The following PADI2 variants were observed in gnomAD, a reference collection of about 807,000 sequenced individuals.
PADI2 encodes protein-arginine deiminase type-2.
In PADI2, 70 loss-of-function variants were observed where a neutral mutation model predicts 81.1. That is an observed-to-expected ratio of 0.86 (90% confidence interval 0.71 to 1.05). The LOEUF (loss-of-function observed/expected upper bound fraction) is 1.05, where lower values mean the gene tolerates loss of function less well. PADI2 is among the 50% of genes least tolerant of loss of function. PADI2 has a pLI of 0.00. For synonymous variants in PADI2, 338 were observed against 358.0 expected (o/e 0.94, Z 0.63); for missense variants, 853 against 889.9 (o/e 0.96, Z 0.53).
intron 8 of PADI2, 117 bp from the exon 9 acceptor site, chr1:17,083,954 T>C (rs919539255): frequency 1.4e-6 from 1 of 700,306 alleles, no homozygotes; most frequent in African/African-American, 1.8e-5. Flanking sequence ...CAGATCAGTC[T>C]ACACCTGTGC....
chr1:17,069,560 T>A (rs923481618), intron 15 of PADI2, among the ~76,000 whole-genome samples: 1 of 152,218 alleles, frequency 6.6e-6, no homozygotes, highest in Non-Finnish European at 1.5e-5. Flanking sequence ...TGTACATGTG[T>A]ATGAATGTGC....
intron 1 of PADI2, among the ~76,000 whole-genome samples, chr1:17,106,741 G>A (rs1272459586): frequency 1.3e-5 from 2 of 152,092 alleles, no homozygotes; most frequent in Non-Finnish European, 2.9e-5. Flanking sequence ...CCCTGGCCAA[G>A]GGCAGGCTTC....
intron 1 of PADI2, among the ~76,000 whole-genome samples, chr1:17,113,349 G>A (rs181995858): frequency 5.0e-4 from 76 of 152,156 alleles, no homozygotes; most frequent in African/African-American, 1.7e-3. Context: ...ACTGTACCAA[G>A]CCCATGGCCC....
intron 11 of PADI2, among the ~76,000 whole-genome samples, chr1:17,077,205 G>A (rs917911412): frequency 6.6e-6 from 1 of 152,128 alleles, no homozygotes; most frequent in Non-Finnish European, 1.5e-5. Context: ...CCTGTCCCCA[G>A]GAATGTTTTA....
chr1:17,068,262 G>A lies in PADI2; in HGVS notation c.*782C>T, dbSNP rs1015777164. 1.0e-4 allele frequency: 16 copies of A among 152,772 alleles called. No individual in the cohort carries two copies. Among genetic ancestry groups the A allele is most frequent in the Admixed American group, 3.3e-4 (5 of 15,292 alleles). 9.5% of individuals were successfully genotyped at this position (152,772 alleles called of 1,614,324 possible). A position where few individuals can be genotyped will look rare whatever the true frequency, so the allele number is the denominator to read the frequency against. On this transcript the variant is annotated 3_prime_UTR_variant, in exon 16 of 16. Transcript: ENST00000375486. Reference sequence around the variant, plus strand: ...CAGGCAAGAGAAGATGGATATGGCTGACCAGGGGCATCTTTACGCATTGAA... The same window carrying A: ...CAGGCAAGAGAAGATGGATATGGCTAACCAGGGGCATCTTTACGCATTGAA...
chr1:17,074,712 C>A (rs563291960), intron 13 of PADI2, 144 bp downstream of exon 13: 3 of 586,428 alleles, frequency 5.1e-6, no homozygotes, highest in Admixed American at 3.0e-5. Context: ...AGCATGGCGA[C>A]CTCACAAACC....
rs138543653 is a variant in PADI2 at position 17,108,749 on chromosome 1, T to C, written c.93-3688A>G. 1.0e-3 allele frequency among the ~76,000 whole-genome samples: 154 copies of C among 152,344 alleles called. 1 individual carries two copies. Among genetic ancestry groups the C allele is most frequent in the African/African-American group, 3.7e-3 (152 of 41,590 alleles). On this transcript the variant is annotated intron_variant, in intron 1 of 15. Transcript: ENST00000375486. ...TATCTTTTTATGGTGACTGATAAAG[T>C]CTTGCCATTTATGGTAATGCTATAA...
At position 17,117,494 on chromosome 1, in the gene PADI2, G is replaced by T. The variant is rs376434348; in HGVS notation, c.92+1786C>A. The stretch of plus-strand genomic sequence containing the variant: ...CTAGAGCGCACTGCCCCTCTCTGTG[G>T]TGGTGGAGAACCTTAAGTGCCGGTG... On this transcript the variant is annotated intron_variant, in intron 1 of 15. Coordinates refer to ENST00000375486, the MANE Select transcript of PADI2 (RefSeq NM_007365.3). Among the ~76,000 whole-genome samples the T allele has an allele frequency of 1.3e-4, 20 of 152,264 alleles. No homozygotes were observed. In the East Asian group the frequency reaches 3.3e-3, roughly 25 times the overall value.
chr1:17,073,182 C>A (rs2078276198), intron 13 of PADI2, among the ~76,000 whole-genome samples: 1 of 152,122 alleles, frequency 6.6e-6, no homozygotes, highest in African/African-American at 2.4e-5. Context: ...CTTTGGGAGG[C>A]CGAGGCGGGT....
At position 17,119,431 on chromosome 1, in the gene PADI2, G is replaced by C; in HGVS notation, c.-60C>G. 7.6e-7 allele frequency: 1 copy of C among 1,310,480 alleles called. No homozygotes were observed. The highest frequency in any genetic ancestry group is 1.5e-5 in the African/African-American group (1 of 64,746). The allele number at this position is 1,310,480 out of a possible 1,614,324, so 81.2% of individuals were successfully genotyped here. A position where few individuals can be genotyped will look rare whatever the true frequency, so the allele number is the denominator to read the frequency against. ...GGGCGGCCGGGAGCACCTGCAGCAG[G>C]TGCGCCTTCTCCAGCAGCCTGCGCC... On this transcript the variant is annotated 5_prime_UTR_variant, in exon 1 of 16. Coordinates refer to ENST00000375486, the MANE Select transcript of PADI2 (RefSeq NM_007365.3). This position sits in a 1 kb window ranked among gnomAD's most constrained non-coding sequence, Gnocchi z 4.8.
At chr1:17,100,980 AT>A (rs975935418) in intron 3 of PADI2, among the ~76,000 whole-genome samples, 11 of 140,680 alleles carry the variant, frequency 7.8e-5, no homozygotes, top group East Asian at 6.3e-4. Flanking sequence ...TTATTGATGT[AT>A]TTTTTTTTCT....
chr1:17,093,083 C>A (rs1290053227), intron 5 of PADI2, among the ~76,000 whole-genome samples: 2 of 149,532 alleles, frequency 1.3e-5, no homozygotes, highest in African/African-American at 2.5e-5. Flanking sequence ...TCTTTTTATT[C>A]TTCTTCTTCT....
intron 8 of PADI2, 43 bp downstream of exon 8, chr1:17,084,556 C>A: frequency 7.7e-7 from 1 of 1,296,278 alleles, no homozygotes; most frequent in Non-Finnish European, 1.1e-6. Flanking sequence ...CGGCCCTTGG[C>A]CACTCTGCCA....
rs554081339 is a variant in PADI2, at chr1:17,104,536, G to A, written c.276+342C>T. On this transcript the variant is annotated intron_variant, in intron 2 of 15. Transcript: ENST00000375486. ...TGCAAGCTCCGCCTCCCGGGTTCAC[G>A]CCATTCTCCTGCCTCAGCCTCCCAA... Among the ~76,000 whole-genome samples, 786 of 133,548 alleles carry A rather than the reference G, an allele frequency of 5.9e-3. 4 individuals are homozygous for A. Among genetic ancestry groups the A allele is most frequent in the Middle Eastern group, 0.027 (6 of 226 alleles). 87.6% of individuals were successfully genotyped at this position (133,548 alleles called of 152,430 possible). A position where few individuals can be genotyped will look rare whatever the true frequency, so the allele number is the denominator to read the frequency against.
intron 5 of PADI2, among the ~76,000 whole-genome samples, chr1:17,093,246 C>A (rs897390649): frequency 6.6e-6 from 1 of 152,000 alleles, no homozygotes; most frequent in Non-Finnish European, 1.5e-5. Context: ...CAGGTGCATG[C>A]CACCACGCTC....
intron 14 of PADI2, among the ~76,000 whole-genome samples, chr1:17,070,979 T>A (rs2078260938): frequency 6.6e-6 from 1 of 152,176 alleles, no homozygotes. Flanking sequence ...TTATTTATTT[T>A]TTTTGTAGAG....
intron 2 of PADI2, 126 bp downstream of exon 2, chr1:17,104,752 T>C (rs1931296435): frequency 2.5e-6 from 2 of 807,106 alleles, no homozygotes. Context: ...CTTTTCAATG[T>C]GGTTACTGCA....
At chr1:17,111,500 C>T (rs951610937) in intron 1 of PADI2, among the ~76,000 whole-genome samples, 2 of 152,150 alleles carry the variant, frequency 1.3e-5, no homozygotes, top group Admixed American at 6.5e-5. Flanking sequence ...GGAGGGATTC[C>T]CTGAGGAAGT....
At chr1:17,089,692 G>C (rs1227117410) in intron 6 of PADI2, among the ~76,000 whole-genome samples, 1 of 152,166 alleles carries the variant, frequency 6.6e-6, no homozygotes, top group Non-Finnish European at 1.5e-5. Context: ...TTCAGCCATT[G>C]TCCCCAGGAG....
Sources: allele counts gnomAD v4.1 joint callset (sites outside exome capture counted in the v4.1 genomes callset), GRCh38; gene constraint gnomAD v4.1.1; non-coding constraint Gnocchi (gnomAD v3.1); transcripts MANE v1.5; gene names NCBI Gene and HGNC (gene_info 2026-07-23, HGNC 2026-07-21).